SORCS3: variants seen among roughly 807,000 people sequenced by gnomAD.
The protein encoded by SORCS3 is VPS10 domain-containing receptor SorCS3.
Under a neutral mutation model 146.3 loss-of-function variants are expected in SORCS3, and 57 were observed. The observed-to-expected ratio is 0.39, with a 90% CI of 0.31 to 0.49. The LOEUF (loss-of-function observed/expected upper bound fraction) is 0.49. Ranked by LOEUF, SORCS3 falls within the 20% of genes least tolerant of loss-of-function variation. SORCS3 has a pLI of 0.92. For missense variants in SORCS3, 1,341 were observed against 1,575.5 expected, an observed-to-expected ratio of 0.85 and a Z score of 2.52; for synonymous variants, 653 against 618.5, an observed-to-expected ratio of 1.06 and a Z score of -0.83.
At chr10:105,042,932 T>C (rs1025604931) in intron 4 of SORCS3, 123 bp from the exon 5 acceptor site, 110 of 763,828 alleles carry the variant, frequency 1.4e-4, no homozygotes, top group Non-Finnish European at 2.4e-4. Flanking sequence ...TTTATCTGGA[T>C]AAAATAAATG....
intron 1 of SORCS3, among the ~76,000 whole-genome samples, chr10:104,713,128 C>T (rs199689322): frequency 2.7e-5 from 4 of 150,052 alleles, no homozygotes; most frequent in Admixed American, 1.3e-4. Flanking sequence ...AGTGTGTGTG[C>T]GTGTGTGTGT....
intron 2 of SORCS3, among the ~76,000 whole-genome samples, chr10:104,915,178 C>T (rs1453970719): frequency 6.6e-6 from 1 of 152,162 alleles, no homozygotes; most frequent in Non-Finnish European, 1.5e-5. Context: ...AGGTAGCCAG[C>T]AGGATCATTG....
At chr10:104,838,987 G>A (rs1326712952) in intron 1 of SORCS3, among the ~76,000 whole-genome samples, 1 of 152,150 alleles carries the variant, frequency 6.6e-6, no homozygotes, top group African/African-American at 2.4e-5. Context: ...CTTGAGTCAT[G>A]TTCCCCTTTC....
At chr10:104,642,056 C>T (rs1185731971) in intron 1 of SORCS3, 102 bp downstream of exon 1, 8 of 1,326,058 alleles carry the variant, frequency 6.0e-6, no homozygotes, top group Non-Finnish European at 8.0e-6. Context: ...GGGGTCGAGG[C>T]GGGGGACGCC....
chr10:104,894,703 T>C (rs2018781956), intron 2 of SORCS3, among the ~76,000 whole-genome samples: 1 of 152,048 alleles, frequency 6.6e-6, no homozygotes. Flanking sequence ...GGAAGAACAG[T>C]CATGATGATT....
intron 1 of SORCS3, among the ~76,000 whole-genome samples, chr10:104,782,889 C>G (rs1011663252): frequency 2.0e-5 from 3 of 152,158 alleles, no homozygotes; most frequent in African/African-American, 7.2e-5. Context: ...AAGTGTTGGG[C>G]ATGAGTCCAA....
At chr10:104,951,643 A>T (rs147168364) in intron 3 of SORCS3, among the ~76,000 whole-genome samples, 99 of 152,280 alleles carry the variant, frequency 6.5e-4, no homozygotes, top group Non-Finnish European at 1.1e-3. Flanking sequence ...CCATGGTTAA[A>T]TACAAACCAA....
intron 1 of SORCS3, among the ~76,000 whole-genome samples, chr10:104,723,344 C>G (rs528562870): frequency 3.3e-5 from 5 of 152,254 alleles, no homozygotes; most frequent in African/African-American, 1.2e-4. Flanking sequence ...GTCTGAGAGA[C>G]AGTTTGTTAT....
chr10:105,214,529 T>G lies in SORCS3; in HGVS notation c.2463T>G (p.Pro821=). 6.2e-7 allele frequency: 1 copy of G among 1,613,696 alleles called. No individual in the cohort carries two copies. Among genetic ancestry groups the G allele is most frequent in the East Asian group, 2.2e-5 (1 of 44,840 alleles). Residue 821 remains proline (P), a synonymous_variant, in exon 18 of 27, where the codon CCT becomes CCG. Transcript: ENST00000369701. ...AKAQMCPGKA[P]RGLHVVTTDG... ...CCCAGATGTGCCCTGGAAAAGCCCC[T>G]CGGGGCCTCCATGTGGTGACGACCG... is the stretch of plus-strand genomic sequence containing the variant.
At chr10:104,963,891 A>G (rs2054811683) in intron 3 of SORCS3, among the ~76,000 whole-genome samples, 1 of 152,266 alleles carries the variant, frequency 6.6e-6, no homozygotes, top group South Asian at 2.1e-4. Context: ...CAGTTTAAAA[A>G]TCTTTTAAGG....
chr10:104,874,975 A>G (rs1190100586), intron 2 of SORCS3, among the ~76,000 whole-genome samples: 1 of 152,184 alleles, frequency 6.6e-6, no homozygotes, highest in Non-Finnish European at 1.5e-5. Flanking sequence ...CTATGTGATC[A>G]CAGTCTCCTA....
chr10:105,156,644 A>G (rs1012383875), intron 9 of SORCS3, among the ~76,000 whole-genome samples: 1 of 152,214 alleles, frequency 6.6e-6, no homozygotes, highest in Non-Finnish European at 1.5e-5. Flanking sequence ...AGCTAGTGGC[A>G]TGGAAAGAGA....
chr10:104,870,109 A>G lies in SORCS3; in HGVS notation c.695+27250A>G, dbSNP rs78059205. 2.8e-4 allele frequency among the ~76,000 whole-genome samples: 42 copies of G among 152,388 alleles called. 2 individuals are homozygous for G. The East Asian group carries it at 8.1e-3, about 29-fold the overall frequency. ...CATTATTTCTGTTCTCACGGAATTG[A>G]TGCATATTATAAATGTCAACAATTC... On this transcript the variant is annotated intron_variant, in intron 2 of 26. Transcript: ENST00000369701.
rs764183671 is a variant in SORCS3 at position 105,043,144 on chromosome 10, A to C, written c.1028+16A>C. ...GGTTTTATTGGTAAGCCCTATCCACACACTCATTACTTCTTAGATAAAGAA... is the reference window on the plus strand; with the variant it reads ...GGTTTTATTGGTAAGCCCTATCCACCCACTCATTACTTCTTAGATAAAGAA... On this transcript the variant is annotated intron_variant, in intron 5 of 26. Coordinates refer to ENST00000369701, the MANE Select transcript of SORCS3 (RefSeq NM_014978.3). 6.2e-7 allele frequency: 1 copy of C among 1,606,002 alleles called. No individual in the cohort carries two copies. Among genetic ancestry groups the C allele is most frequent in the East Asian group, 2.2e-5 (1 of 44,834 alleles).
intron 4 of SORCS3, among the ~76,000 whole-genome samples, chr10:105,042,353 A>T (rs1294396723): frequency 1.3e-5 from 2 of 152,242 alleles, no homozygotes; most frequent in Non-Finnish European, 2.9e-5. Context: ...TTAAATGTAT[A>T]TGAAAGAACA....
chr10:104,813,106 A>G (rs2017757641), intron 1 of SORCS3, among the ~76,000 whole-genome samples: 1 of 152,090 alleles, frequency 6.6e-6, no homozygotes, highest in African/African-American at 2.4e-5. Context: ...AGATTTATCC[A>G]CCACCCTCCA....
At position 104,641,675 on chromosome 10, in the gene SORCS3, C is replaced by T. The variant is rs1408449657; in HGVS notation, c.348C>T (p.Gly116=). 4.6e-6 allele frequency: 7 copies of T among 1,524,724 alleles called. No homozygotes were observed. The highest frequency in any genetic ancestry group is 6.1e-6 in the Non-Finnish European group (7 of 1,140,022). 94.4% of individuals were successfully genotyped at this position (1,524,724 alleles called of 1,614,324 possible). The change falls in exon 1 of 27, where the codon GGC becomes GGT. Residue 116 remains glycine (G), a synonymous_variant. Transcript: ENST00000369701. The surrounding 1 kb of genome is among the most constrained non-coding windows in gnomAD (Gnocchi z 6.4). ...GGTSPAGERR[G]RGIPAPAKLG... ...CATCACCGGCAGGCGAGCGGCGGGG[C>T]CGGGGCATCCCAGCTCCTGCCAAGC...
chr10:104,692,130 G>T (rs2016121027), intron 1 of SORCS3, among the ~76,000 whole-genome samples: 1 of 152,106 alleles, frequency 6.6e-6, no homozygotes, highest in Admixed American at 6.5e-5. Flanking sequence ...TCTGAGATGG[G>T]ATCATCTCAA....
chr10:104,751,955 ATATATATAT>A (rs2016991774), intron 1 of SORCS3, among the ~76,000 whole-genome samples: 7 of 125,228 alleles, frequency 5.6e-5, no homozygotes, highest in Admixed American at 1.6e-4. Context: ...ATATATATAT[ATATATATAT>A]ATATAATAGT....
Sources: gnomAD v4.1 joint callset for allele counts (sites outside exome capture counted in the v4.1 genomes callset) on GRCh38, gnomAD v4.1.1 for gene constraint, Gnocchi (gnomAD v3.1) non-coding constraint, MANE v1.5 for transcripts, NCBI Gene and HGNC (gene_info 2026-07-23, HGNC 2026-07-21) for gene names.